IGF2R: variants seen among roughly 807,000 people sequenced by gnomAD.
IGF2R encodes cation-independent mannose-6-phosphate receptor.
A neutral mutation model predicts 270.6 loss-of-function variants in IGF2R; 91 were observed. That is an observed-to-expected ratio of 0.34 (90% CI 0.28 to 0.40). The LOEUF is 0.40. IGF2R is among the 10% of genes least tolerant of loss of function. IGF2R has a pLI of 1.00. For synonymous variants in IGF2R, 1,316 were observed against 1,258.9 expected (o/e 1.05, Z -0.96); for missense variants, 2,805 against 3,188.3 (o/e 0.88, Z 2.90).
At chr6:160,097,766 G>A (rs181217707) in intron 45 of IGF2R, among the ~76,000 whole-genome samples, 100 of 152,268 alleles carry the variant, frequency 6.6e-4, no homozygotes, top group Middle Eastern at 6.8e-3. Flanking sequence ...ACAGTGGTGG[G>A]GGTCATGGGG....
At chr6:159,981,402 A>C (rs1173063371) in intron 1 of IGF2R, among the ~76,000 whole-genome samples, 1 of 151,854 alleles carries the variant, frequency 6.6e-6, no homozygotes, top group Admixed American at 6.6e-5. Context: ...CTCCTAGGAG[A>C]TGCCTCCGGA....
chr6:159,984,976 A>G (rs1005232239), intron 1 of IGF2R, among the ~76,000 whole-genome samples: 9 of 152,162 alleles, frequency 5.9e-5, no homozygotes, highest in Admixed American at 5.9e-4. Context: ...TAAAGGAAAA[A>G]CCATATCCGA....
intron 10 of IGF2R, among the ~76,000 whole-genome samples, chr6:160,039,437 C>A (rs1562352855): frequency 6.6e-6 from 1 of 152,242 alleles, no homozygotes; most frequent in South Asian, 2.1e-4. Context: ...AGAGCCTGTT[C>A]TTCTGCAGCT....
chr6:160,080,067 C>T, intron 38 of IGF2R, 62 bp from the exon 39 acceptor site: 2 of 1,585,424 alleles, frequency 1.3e-6, no homozygotes, highest in South Asian at 1.1e-5. Context: ...CTGCTGCATT[C>T]TGAGGTGATT....
intron 5 of IGF2R, among the ~76,000 whole-genome samples, chr6:160,026,445 A>G (rs950382672): frequency 6.6e-6 from 1 of 152,194 alleles, no homozygotes; most frequent in Non-Finnish European, 1.5e-5. Flanking sequence ...TCTGTGTGCT[A>G]GGCACTAATC....
intron 7 of IGF2R, among the ~76,000 whole-genome samples, chr6:160,031,031 A>C (rs1427532863): frequency 6.6e-6 from 1 of 152,086 alleles, no homozygotes; most frequent in Non-Finnish European, 1.5e-5. Context: ...TAGTAGAGAC[A>C]GGGCTTTGCT....
rs572770832 is a variant in IGF2R, at chr6:159,994,943, T to G, written c.289+3620T>G. On this transcript the variant is annotated intron_variant, in intron 2 of 47. Coordinates refer to ENST00000356956, the MANE Select transcript of IGF2R (RefSeq NM_000876.4). ...TGTTGGGTAGAATGATCTTTAAATG[T>G]CTTTTAGGTCCATTTAATCCTGAGT... Among the ~76,000 whole-genome samples, 7 of 152,312 alleles carry G rather than the reference T, an allele frequency of 4.6e-5. No individual in the cohort carries two copies. In the South Asian group the frequency reaches 1.5e-3, roughly 32 times the overall value.
Position 160,050,826 on chromosome 6 carries a change from G to C in IGF2R, c.2694+174G>C, listed in dbSNP as rs1003887243. On this transcript the variant is annotated intron_variant, in intron 19 of 47. Transcript: ENST00000356956. The surrounding 1 kb of genome is among the most constrained non-coding windows in gnomAD (Gnocchi z 4.0). ...GTTCACAGGCAGGGAGTGATTTGTGGTACCTTCATGGCTGCGATTTCTGAA... is the reference window on the plus strand; with the variant it reads ...GTTCACAGGCAGGGAGTGATTTGTGCTACCTTCATGGCTGCGATTTCTGAA... 2.0e-5 allele frequency among the ~76,000 whole-genome samples: 3 copies of C among 152,192 alleles called. No individual in the cohort carries two copies. The highest frequency in any genetic ancestry group is 4.8e-5 in the African/African-American group (2 of 41,452).
At position 160,073,771 on chromosome 6, in the gene IGF2R, G is replaced by C. The variant is rs200409385; in HGVS notation, c.4962G>C (p.Val1654=). The C allele has an allele frequency of 1.9e-6, 3 of 1,614,070 alleles. No individual in the cohort carries two copies. In the East Asian group the frequency reaches 6.7e-5, roughly 36 times the overall value. ...CTACTTAACAGACCGAATGTTCCGT[G>C]AGGAATGGAAGCTCTATTGTTGACT... ...LACEQATECS[V]RNGSSIVDLS... is the part of the protein sequence containing the mutation. The change falls in exon 35 of 48, where the codon GTG becomes GTC. Residue 1654 remains valine (V), a synonymous_variant. Coordinates refer to ENST00000356956, the MANE Select transcript of IGF2R (RefSeq NM_000876.4).
At chr6:160,092,320 T>TA (rs1172936436) in intron 44 of IGF2R, among the ~76,000 whole-genome samples, 1 of 151,464 alleles carries the variant, frequency 6.6e-6, no homozygotes, top group Non-Finnish European at 1.5e-5. Context: ...TAGCAGGTGA[T>TA]ACTGCTGGTG....
At chr6:160,075,127 C>T (rs752533108) in intron 35 of IGF2R, among the ~76,000 whole-genome samples, 5 of 149,700 alleles carry the variant, frequency 3.3e-5, no homozygotes, top group African/African-American at 4.9e-5. Flanking sequence ...TGCACACACA[C>T]GTGCATGCAC....
intron 2 of IGF2R, chr6:160,005,454 G>A (rs962341432): frequency 1.3e-5 from 2 of 152,162 alleles, no homozygotes; most frequent in African/African-American, 2.4e-5. Context: ...GGGCTGCGAG[G>A]AAGCCGGCGA....
chr6:160,107,262 A>G lies in IGF2R; in HGVS notation c.*2178A>G, dbSNP rs1014373455. ...GCCATTCCCACCTCCTGCTAAGACCATGGGGAGCCCTCTCTGTAAGGAGGG... is the reference window on the plus strand; with the variant it reads ...GCCATTCCCACCTCCTGCTAAGACCGTGGGGAGCCCTCTCTGTAAGGAGGG... On this transcript the variant is annotated 3_prime_UTR_variant, in exon 48 of 48. Transcript: ENST00000356956. 1 of 152,238 alleles carries G rather than the reference A, an allele frequency of 6.6e-6. No individual in the cohort carries two copies. Among genetic ancestry groups the G allele is most frequent in the African/African-American group, 2.4e-5 (1 of 41,450 alleles). The allele number at this position is 152,238 out of a possible 1,614,324, so 9.4% of individuals were successfully genotyped here. A position where few individuals can be genotyped will look rare whatever the true frequency, so the allele number is the denominator to read the frequency against.
Position 160,085,024 on chromosome 6 carries a change from A to G in IGF2R, c.6098A>G (p.Tyr2033Cys). 2 of 1,614,142 alleles carry G rather than the reference A, an allele frequency of 1.2e-6. No individual in the cohort carries two copies. Among genetic ancestry groups the G allele is most frequent in the Non-Finnish European group, 1.7e-6 (2 of 1,179,996 alleles). ...SYYINLCQKI[Y>C]KGPLGCSERA... ...TATATAAATCTGTGCCAGAAAATAT[A>G]TAAAGGGCCCCTGGGCTGCTCTGAA... Residue 2033 changes from tyrosine to cysteine, a missense_variant, in exon 41 of 48, where the codon TAT becomes TGT. Tyr to Cys is a radical substitution (Grantham distance 194). Around this residue, in one of 2 missense-constraint regions of IGF2R, gnomAD observed 1,851 missense variants for 2,207.2 expected, o/e 0.84. Transcript: ENST00000356956.
rs537789696 is a variant in IGF2R, at chr6:160,040,800, C to T, written c.1480+76C>T. On this transcript the variant is annotated intron_variant, in intron 11 of 47. Transcript: ENST00000356956. Reference sequence around the variant, plus strand: ...TTTCCCATGAGTACTTTTGGAAATGCGGTTACTATTTTCTTTGTCAGTGGG... The same window carrying T: ...TTTCCCATGAGTACTTTTGGAAATGTGGTTACTATTTTCTTTGTCAGTGGG... 974 of 1,437,130 alleles carry T rather than the reference C, an allele frequency of 6.8e-4. 1 individual carries two copies. Among genetic ancestry groups the T allele is most frequent in the Middle Eastern group, 1.0e-3 (4 of 4,016 alleles). The allele number at this position is 1,437,130 out of a possible 1,614,324, so 89.0% of individuals were successfully genotyped here.
intron 1 of IGF2R, among the ~76,000 whole-genome samples, chr6:159,979,121 G>T (rs1412945088): frequency 6.6e-6 from 1 of 152,216 alleles, no homozygotes; most frequent in East Asian, 1.9e-4. Context: ...CTTCATGCCT[G>T]CTGTGTGCTG....
intron 7 of IGF2R, 48 bp from the exon 8 acceptor site, chr6:160,032,503 C>G (rs1166933489): frequency 6.5e-7 from 1 of 1,545,288 alleles, no homozygotes; most frequent in Admixed American, 1.7e-5. Flanking sequence ...CTGCATTAAG[C>G]TGCATGAAAC....
intron 22 of IGF2R, 135 bp downstream of exon 22, chr6:160,059,233 C>T: frequency 1.5e-6 from 1 of 677,984 alleles, no homozygotes; most frequent in Non-Finnish European, 2.4e-6. Flanking sequence ...GCTGCAGGAG[C>T]CATCACGGTG....
Position 160,032,556 on chromosome 6 carries a change from C to T in IGF2R, c.888C>T (p.Thr296=). ...TTTCACATTGTTCCTGATAGGGCAC[C>T]ATTCCCAAACTCACAGCTAAATCCA... ...FVCPSERREG[T]IPKLTAKSNC... is the part of the protein sequence containing the mutation. The change falls in exon 8 of 48, where the codon ACC becomes ACT. Residue 296 remains threonine (T), a synonymous_variant. Transcript: ENST00000356956. The T allele has an allele frequency of 6.2e-7, 1 of 1,613,440 alleles. No homozygotes were observed. Among genetic ancestry groups the T allele is most frequent in the Middle Eastern group, 1.7e-4 (1 of 6,060 alleles).
Sources: gnomAD v4.1 joint callset for allele counts (sites outside exome capture counted in the v4.1 genomes callset) on GRCh38, gnomAD v4.1.1 for gene constraint, gnomAD v4.1.1 regional missense constraint, Gnocchi (gnomAD v3.1) non-coding constraint, MANE v1.5 for transcripts, NCBI Gene and HGNC (gene_info 2026-07-23, HGNC 2026-07-21) for gene names.